Variants in ZNF398 observed in about 807,000 individuals in gnomAD.
ZNF398 encodes zinc finger protein 398.
A neutral mutation model predicts 41.9 loss-of-function variants in ZNF398; 18 were observed. The observed-to-expected ratio is 0.43, with a 90% confidence interval of 0.30 to 0.64. The LOEUF is 0.64. ZNF398 is among the 30% of genes least tolerant of loss of function. ZNF398 has a pLI of 0.14. For synonymous variants in ZNF398, 260 were observed against 308.8 expected, an observed-to-expected ratio of 0.84 and a Z score of 1.66; for missense variants, 669 against 822.8, an observed-to-expected ratio of 0.81 and a Z score of 2.29.
rs778191756 is a variant in ZNF398, at chr7:149,179,420, C to T, written c.1548C>T (p.Cys516=). The T allele has an allele frequency of 1.2e-6, 2 of 1,613,836 alleles. No individual in the cohort carries two copies. Among genetic ancestry groups the T allele is most frequent in the Non-Finnish European group, 1.7e-6 (2 of 1,180,010 alleles). ...AGCGTCCTTACCCCTGCACTGACTG[C>T]AGTAAGAGCTTCATGCGCAAGGAGC... ...TGERPYPCTD[C]SKSFMRKEHL... Residue 516 remains cysteine, a synonymous_variant, in exon 6 of 6, where the codon TGC becomes TGT. Coordinates refer to ENST00000475153, the MANE Select transcript of ZNF398 (RefSeq NM_170686.3). This position sits in a 1 kb window ranked among gnomAD's most constrained non-coding sequence, Gnocchi z 6.1.
chr7:149,172,454 C>T (rs6961918), intron 4 of ZNF398, among the ~76,000 whole-genome samples: 3 of 151,976 alleles, frequency 2.0e-5, no homozygotes, highest in Non-Finnish European at 4.4e-5. Context: ...CGCGCTCCCC[C>T]CCTTTTTAAA....
chr7:149,135,561 G>T (rs10260151), intron 2 of ZNF398, among the ~76,000 whole-genome samples: 5 of 151,948 alleles, frequency 3.3e-5, no homozygotes, highest in African/African-American at 9.7e-5. Flanking sequence ...ATGCTGCTGC[G>T]TACACTGCTT....
At chr7:149,152,784 C>T (rs770110004) in intron 1 of ZNF398, among the ~76,000 whole-genome samples, 1 of 151,506 alleles carries the variant, frequency 6.6e-6, no homozygotes, top group Non-Finnish European at 1.5e-5. Flanking sequence ...AGGCAGGTCT[C>T]GAACTCCCGA....
chr7:149,178,240 C>T (rs1265558295), intron 5 of ZNF398, among the ~76,000 whole-genome samples: 2 of 151,482 alleles, frequency 1.3e-5, no homozygotes, highest in African/African-American at 2.4e-5. Context: ...TGCATTGAGC[C>T]GAGTTTGTGC....
At chr7:149,139,821 C>A (rs546205302) in intron 2 of ZNF398, among the ~76,000 whole-genome samples, 4 of 151,588 alleles carry the variant, frequency 2.6e-5, no homozygotes, top group African/African-American at 9.7e-5. Context: ...CTGGCTAACA[C>A]GGTGAAACCC....
rs544920414 is a variant in ZNF398, at chr7:149,179,305, C to T, written c.1433C>T (p.Ala478Val). Residue 478 changes from alanine (A) to valine (V), a missense_variant, in exon 6 of 6, where the codon GCA becomes GTA. Physicochemically the swap from Ala to Val is moderately conservative, Grantham distance 64 (BLOSUM62 0). Transcript: ENST00000475153. The surrounding 1 kb of genome is among the most constrained non-coding windows in gnomAD (Gnocchi z 6.1). ...ISLLLHQRGH[A>V]QERPFSCPQC... ...CTCCTGCTCCACCAGCGGGGTCATG[C>T]ACAAGAGCGCCCTTTCTCCTGCCCT... is the stretch of plus-strand genomic sequence containing the variant. 89 of 1,613,194 alleles carry T rather than the reference C, an allele frequency of 5.5e-5. 2 individuals are homozygous for T. The South Asian group carries it at 9.7e-4, about 18-fold the overall frequency.
At chr7:149,162,941 A>G (rs867094250) in intron 2 of ZNF398, among the ~76,000 whole-genome samples, 1 of 151,808 alleles carries the variant, frequency 6.6e-6, no homozygotes, top group African/African-American at 2.4e-5. Flanking sequence ...GTGCCATTGC[A>G]CTCCAGCCTG....
At chr7:149,147,237 A>G (rs116232054), upstream of ZNF398, 1,996 of 152,288 alleles carry the variant, frequency 0.013, 38 homozygotes, top group African/African-American at 0.046. This position sits in a 1 kb window ranked among gnomAD's most constrained non-coding sequence, Gnocchi z 5.6. Flanking sequence ...TGGGTCCTAA[A>G]CTGCGGTGAG....
chr7:149,152,471 A>G (rs1282255601), intron 1 of ZNF398, among the ~76,000 whole-genome samples: 1 of 151,720 alleles, frequency 6.6e-6, no homozygotes, highest in Non-Finnish European at 1.5e-5. Context: ...CGTGTTAGCC[A>G]GGATGGTCTC....
At chr7:149,129,159 A>G (rs949767469) in intron 2 of ZNF398, among the ~76,000 whole-genome samples, 2 of 151,974 alleles carry the variant, frequency 1.3e-5, no homozygotes, top group African/African-American at 4.8e-5. Context: ...GGGATAAAAT[A>G]TTTTGATTTC....
At chr7:149,145,942 CT>C (rs34950278), upstream of ZNF398, among the ~76,000 whole-genome samples, 168 of 103,096 alleles carry the variant, frequency 1.6e-3, no homozygotes, top group African/African-American at 2.5e-3. Context: ...CTCGCAGGTC[CT>C]TTTTTTTTTT....
rs2129522160 is a variant in ZNF398, at chr7:149,181,296, A to T, written c.*1495A>T. On this transcript the variant is annotated 3_prime_UTR_variant, in exon 6 of 6. Coordinates refer to ENST00000475153, the MANE Select transcript of ZNF398 (RefSeq NM_170686.3). Reference sequence around the variant, plus strand: ...AGTCAAAGCAGATAAATTCTTGTTGAAACTTGACTAAAATTTATTTGATTT... The same window carrying T: ...AGTCAAAGCAGATAAATTCTTGTTGTAACTTGACTAAAATTTATTTGATTT... 6.6e-6 allele frequency: 1 copy of T among 152,262 alleles called. No individual in the cohort carries two copies. Among genetic ancestry groups the T allele is most frequent in the Non-Finnish European group, 1.5e-5 (1 of 68,038 alleles). 9.4% of individuals were successfully genotyped at this position (152,262 alleles called of 1,614,324 possible). A position where few individuals can be genotyped will look rare whatever the true frequency, so the allele number is the denominator to read the frequency against.
At chr7:149,152,639 TC>T (rs1195813506) in intron 1 of ZNF398, among the ~76,000 whole-genome samples, 1 of 151,070 alleles carries the variant, frequency 6.6e-6, no homozygotes, top group Non-Finnish European at 1.5e-5. Flanking sequence ...CGATCTCGGC[TC>T]ACTGAAACCT....
In ZNF398 at chr7:149,176,542, G is replaced by A. The variant is rs1182838145; in HGVS notation, c.736G>A (p.Glu246Lys). ...EEEPQVGAPP[E>K]SKESDVYKST... ...AGAGCCTCAGGTTGGGGCCCCACCG[G>A]AGTCCAAGGAGAGTGACGTGTACAA... Residue 246 changes from glutamate to lysine, a missense_variant, in exon 5 of 6, where the codon GAG (glutamate) becomes AAG (lysine). By Grantham distance (56) the Glu-to-Lys change is moderately conservative. This residue lies in a region of ZNF398 where 290 missense variants were observed against 292.9 expected (regional missense o/e 0.99). Transcript: ENST00000475153. 1 of 1,612,380 alleles carries A rather than the reference G, an allele frequency of 6.2e-7. No homozygotes were observed.
At chr7:149,151,781 CT>C (rs913604138) in intron 1 of ZNF398, among the ~76,000 whole-genome samples, 6 of 144,758 alleles carry the variant, frequency 4.1e-5, no homozygotes, top group South Asian at 2.1e-4. Context: ...AAATTTCTTT[CT>C]TTTTTTTTCT....
chr7:149,126,630 A>G (rs1035759251), exon 1 of ZNF398: 14 of 253,842 alleles, frequency 5.5e-5, no homozygotes, highest in African/African-American at 3.2e-4. Context: ...GCTCCACAGA[A>G]ACCCGGACTG....
chr7:149,129,608 G>C (rs774584811), intron 2 of ZNF398, among the ~76,000 whole-genome samples: 6 of 151,818 alleles, frequency 4.0e-5, no homozygotes, highest in Non-Finnish European at 7.4e-5. Flanking sequence ...TCCAACTCCT[G>C]ACCTCAGGTG....
intron 2 of ZNF398, among the ~76,000 whole-genome samples, chr7:149,154,844 C>T (rs1794933722): frequency 6.6e-6 from 1 of 151,812 alleles, no homozygotes; most frequent in Non-Finnish European, 1.5e-5. Flanking sequence ...CAAAAATTAG[C>T]CGGGTGTGGT....
chr7:149,175,113 T>C (rs1406044094), intron 4 of ZNF398, among the ~76,000 whole-genome samples: 2 of 152,312 alleles, frequency 1.3e-5, no homozygotes, highest in Non-Finnish European at 1.5e-5. Context: ...CGTTTGGGCT[T>C]TCGTCTTACC....
Sources: allele counts gnomAD v4.1 joint callset (sites outside exome capture counted in the v4.1 genomes callset), GRCh38; gene constraint gnomAD v4.1.1; regional missense constraint gnomAD v4.1.1; non-coding constraint Gnocchi (gnomAD v3.1); transcripts MANE v1.5; gene names NCBI Gene and HGNC (gene_info 2026-07-23, HGNC 2026-07-21).